Variants in EPB41L3 observed in about 807,000 individuals in gnomAD.
The protein encoded by EPB41L3 is erythrocyte membrane protein band 4.1 like 3, also known as band 4.1-like protein 3.
In EPB41L3, 57 loss-of-function variants were observed where a neutral mutation model predicts 127.1. That is an observed-to-expected ratio of 0.45 (90% CI 0.36 to 0.56). The LOEUF (loss-of-function observed/expected upper bound fraction) is 0.56, where lower values mean the gene tolerates loss of function less well. Ranked by LOEUF, EPB41L3 falls within the 20% of genes least tolerant of loss-of-function variation. EPB41L3 has a pLI of 0.00. For missense variants in EPB41L3, 1,273 were observed against 1,372.2 expected (o/e 0.93, Z 1.14); for synonymous variants, 572 against 549.5 (o/e 1.04, Z -0.57).
At chr18:5,394,656 A>G in intron 22 of EPB41L3, 21 bp downstream of exon 22, 1 of 1,590,668 alleles carries the variant, frequency 6.3e-7, no homozygotes, top group South Asian at 1.1e-5. Flanking sequence ...GCAAGCCTAG[A>G]GAATCGGCAT....
intron 3 of EPB41L3, among the ~76,000 whole-genome samples, chr18:5,573,117 G>C (rs185202492): frequency 6.6e-6 from 1 of 152,316 alleles, no homozygotes; most frequent in African/African-American, 2.4e-5. Flanking sequence ...GGAACTTCTT[G>C]CATTAAATGC....
intron 16 of EPB41L3, among the ~76,000 whole-genome samples, chr18:5,402,745 A>G (rs564648929): frequency 5.9e-5 from 9 of 152,332 alleles, no homozygotes; most frequent in African/African-American, 1.7e-4. Context: ...CATTTCATTT[A>G]GTTACTTAAA....
At chr18:5,407,631 G>A in intron 15 of EPB41L3, 70 bp downstream of exon 15, 1 of 1,509,634 alleles carries the variant, frequency 6.6e-7, no homozygotes, top group East Asian at 2.3e-5. Context: ...GAACGCTGTA[G>A]ACAAACAATG....
chr18:5,579,194 A>T (rs2094366858), intron 3 of EPB41L3, among the ~76,000 whole-genome samples: 2 of 152,248 alleles, frequency 1.3e-5, no homozygotes, highest in African/African-American at 2.4e-5. Context: ...ATTAAAATTT[A>T]AAATTTTCTT....
upstream of EPB41L3, among the ~76,000 whole-genome samples, chr18:5,547,008 G>C (rs535800486): frequency 7.2e-4 from 110 of 152,156 alleles, no homozygotes; most frequent in African/African-American, 2.6e-3. Context: ...AATTCTGTAT[G>C]GTTCAATAAT....
At chr18:5,572,162 C>T (rs957905471) in intron 3 of EPB41L3, among the ~76,000 whole-genome samples, 1 of 152,114 alleles carries the variant, frequency 6.6e-6, no homozygotes, top group African/African-American at 2.4e-5. Context: ...TTAAGAACAT[C>T]CATGGAAGAA....
At chr18:5,541,691 G>C (rs28727374) in intron 1 of EPB41L3, among the ~76,000 whole-genome samples, 37,176 of 152,142 alleles carry the variant, frequency 0.24, 5,655 homozygotes, top group African/African-American at 0.43. Context: ...AGTCCAAGCA[G>C]TGTACATGAA....
chr18:5,406,705 C>T, intron 16 of EPB41L3, 72 bp downstream of exon 16: 1 of 1,371,714 alleles, frequency 7.3e-7, no homozygotes, highest in Non-Finnish European at 1.0e-6. Flanking sequence ...CTGTCAAATG[C>T]AATTCCACAC....
intron 3 of EPB41L3, among the ~76,000 whole-genome samples, chr18:5,591,593 C>T (rs560366851): frequency 1.3e-5 from 2 of 152,190 alleles, no homozygotes; most frequent in East Asian, 3.9e-4. Context: ...CATTCAGATT[C>T]TAGCAAGGGA....
chr18:5,507,434 T>C (rs1427267685), intron 1 of EPB41L3, among the ~76,000 whole-genome samples: 4 of 151,360 alleles, frequency 2.6e-5, no homozygotes, highest in Non-Finnish European at 5.9e-5. Context: ...TTAATCACTG[T>C]TGCCAATTGG....
At position 5,434,256 on chromosome 18, in the gene EPB41L3, T is replaced by C. The variant is rs189842063; in HGVS notation, c.606-135A>G. 79 of 646,996 alleles carry C rather than the reference T, an allele frequency of 1.2e-4. 1 individual carries two copies. The African/African-American group carries it at 1.3e-3, about 10-fold the overall frequency. 40.1% of individuals were successfully genotyped at this position (646,996 alleles called of 1,614,324 possible). A position where few individuals can be genotyped will look rare whatever the true frequency, so the allele number is the denominator to read the frequency against. ...TCTAGGATAAATTTTCTAGCGTCTA[T>C]ATATTTTGATATTTACTTCATACAT... On this transcript the variant is annotated intron_variant, in intron 6 of 22. Transcript: ENST00000341928.
intron 3 of EPB41L3, among the ~76,000 whole-genome samples, chr18:5,477,465 T>C (rs541563009): frequency 6.6e-6 from 1 of 152,316 alleles, no homozygotes; most frequent in African/African-American, 2.4e-5. Flanking sequence ...GCTCTTTGAA[T>C]GAAGACATGG....
chr18:5,407,034 G>T (rs953711333), intron 15 of EPB41L3, 66 bp from the exon 16 acceptor site: 17 of 1,488,872 alleles, frequency 1.1e-5, no homozygotes, highest in Non-Finnish European at 1.5e-5. Context: ...CAGCTCTTTT[G>T]TTTGCTTTAA....
At chr18:5,567,591 G>C (rs2094223311) in intron 3 of EPB41L3, among the ~76,000 whole-genome samples, 1 of 151,640 alleles carries the variant, frequency 6.6e-6, no homozygotes, top group African/African-American at 2.4e-5. Context: ...GAGAAAAAGA[G>C]AAAGAAAGGA....
intron 11 of EPB41L3, 108 bp from the exon 12 acceptor site, chr18:5,419,985 C>T: frequency 6.3e-7 from 1 of 1,581,852 alleles, no homozygotes; most frequent in Non-Finnish European, 8.6e-7. Flanking sequence ...GGTCAGAAGA[C>T]ACATGAACAA....
intron 1 of EPB41L3, among the ~76,000 whole-genome samples, chr18:5,495,426 A>C (rs199530021): frequency 7.9e-6 from 1 of 126,362 alleles, no homozygotes. Context: ...AAACTAAATG[A>C]AACAGTAAGG....
At chr18:5,405,683 C>T (rs1395061129) in intron 16 of EPB41L3, among the ~76,000 whole-genome samples, 10 of 151,400 alleles carry the variant, frequency 6.6e-5, no homozygotes, top group African/African-American at 2.4e-4. Context: ...TCCCAGCTAC[C>T]CAGGAGGCTG....
chr18:5,534,878 C>T (rs1038903649), intron 1 of EPB41L3, among the ~76,000 whole-genome samples: 1 of 152,148 alleles, frequency 6.6e-6, no homozygotes, highest in African/African-American at 2.4e-5. Context: ...AAATAGAGTA[C>T]TCCTCCCACA....
rs146717867 is a variant in EPB41L3, at chr18:5,447,677, C to T, written c.382-2433G>A. Among the ~76,000 whole-genome samples the T allele has an allele frequency of 5.8e-3, 881 of 152,196 alleles. 6 individuals are homozygous for T. Among genetic ancestry groups the T allele is most frequent in the African/African-American group, 0.02 (818 of 41,540 alleles). ...ATCGTTTCTGAATATGCTGCAGGCG[C>T]CCTGGTTACAGTTCCAATTCGCCAC... On this transcript the variant is annotated intron_variant, in intron 3 of 22. Transcript: ENST00000341928.
Sources: allele counts gnomAD v4.1 joint callset (sites outside exome capture counted in the v4.1 genomes callset), GRCh38; gene constraint gnomAD v4.1.1; transcripts MANE v1.5; gene names NCBI Gene and HGNC (gene_info 2026-07-23, HGNC 2026-07-21).